Variants in WFIKKN1 observed in about 807,000 individuals in gnomAD.
The protein encoded by WFIKKN1 is WAP, follistatin/kazal, immunoglobulin, kunitz and netrin domain containing 1.
In WFIKKN1, 6 loss-of-function variants were observed where a neutral mutation model predicts 4.6. That is an observed-to-expected ratio of 1.31 (90% confidence interval 0.72 to 2.59). WFIKKN1 has a LOEUF of 2.59. Among genes scored for constraint, WFIKKN1 ranks in the 30% most tolerant of loss-of-function variants. The pLI is 0.00. For synonymous variants in WFIKKN1, 468 were observed against 367.4 expected, an observed-to-expected ratio of 1.27 and a Z score of -3.13; for missense variants, 964 against 818.0, an observed-to-expected ratio of 1.18 and a Z score of -2.18.
Position 632,760 on chromosome 16 carries a change from G to T in WFIKKN1, c.350G>T (p.Arg117Leu), listed in dbSNP as rs753516170. The T allele has an allele frequency of 2.5e-6, 4 of 1,608,280 alleles. No individual in the cohort carries two copies. In the South Asian group the frequency reaches 3.3e-5, roughly 13 times the overall value. The change falls in exon 2 of 2, where the codon CGC (arginine) becomes CTC (leucine). Residue 117 changes from arginine (R) to leucine (L), a missense_variant. Transcript: ENST00000319070. ...IWDGQPVCRC[R>L]DRCEKEPSFT... Reference sequence around the variant, plus strand: ...GACGGGCAGCCCGTGTGCCGCTGCCGCGACCGCTGTGAGAAGGAGCCCAGC... The same window carrying T: ...GACGGGCAGCCCGTGTGCCGCTGCCTCGACCGCTGTGAGAAGGAGCCCAGC...
Position 632,764 on chromosome 16 carries a change from C to G in WFIKKN1, c.354C>G (p.Asp118Glu). 1 of 1,608,044 alleles carries G rather than the reference C, an allele frequency of 6.2e-7. No individual in the cohort carries two copies. The highest frequency in any genetic ancestry group is 8.5e-7 in the Non-Finnish European group (1 of 1,177,338). Residue 118 changes from aspartate to glutamate, a missense_variant, in exon 2 of 2, where the codon GAC (aspartate) becomes GAG (glutamate). Physicochemically the swap from Asp to Glu is conservative, Grantham distance 45 (BLOSUM62 2). Transcript: ENST00000319070. ...WDGQPVCRCR[D>E]RCEKEPSFTC... ...GGCAGCCCGTGTGCCGCTGCCGCGA[C>G]CGCTGTGAGAAGGAGCCCAGCTTCA... is the stretch of plus-strand genomic sequence containing the variant.
Position 632,851 on chromosome 16 carries a change from G to T in WFIKKN1, c.441G>T (p.Leu147=), listed in dbSNP as rs1284354864. The change falls in exon 2 of 2, where the codon CTG becomes CTT. Residue 147 remains leucine (L), a synonymous_variant. Coordinates refer to ENST00000319070, the MANE Select transcript of WFIKKN1 (RefSeq NM_053284.3). ...GCTATATGGACGCCGAGGCCTGCCTGCGGGGCCTGCACCTCCACATCGTGC... is the reference window on the plus strand; with the variant it reads ...GCTATATGGACGCCGAGGCCTGCCTTCGGGGCCTGCACCTCCACATCGTGC... ...NRCYMDAEAC[L]RGLHLHIVPC... 3.8e-6 allele frequency: 6 copies of T among 1,573,740 alleles called. No individual in the cohort carries two copies. Among genetic ancestry groups the T allele is most frequent in the Non-Finnish European group, 5.2e-6 (6 of 1,157,446 alleles).
In WFIKKN1 at chr16:631,195, G is replaced by A. The variant is rs1292661960; in HGVS notation, c.-59G>A. ...GGATGCCTGCAGGAAGCTGGGCTCTGTGGAGCCCGAGGAGGGGCTGGTGGC... is the reference window on the plus strand; with the variant it reads ...GGATGCCTGCAGGAAGCTGGGCTCTATGGAGCCCGAGGAGGGGCTGGTGGC... On this transcript the variant is annotated 5_prime_UTR_variant, in exon 1 of 2. The change creates a new upstream start codon in the 5' untranslated region. Coordinates refer to ENST00000319070, the MANE Select transcript of WFIKKN1 (RefSeq NM_053284.3). 5.3e-6 allele frequency: 8 copies of A among 1,502,046 alleles called. No homozygotes were observed. The highest frequency in any genetic ancestry group is 7.1e-6 in the Non-Finnish European group (8 of 1,128,010). 93.0% of individuals were successfully genotyped at this position (1,502,046 alleles called of 1,614,324 possible).
rs750902203 is a variant in WFIKKN1 at position 633,712 on chromosome 16, C to T, written c.1302C>T (p.Asp434=). The part of the protein sequence containing the change: ...SKLALSLCRS[D]FAIVGRLTEV... The stretch of plus-strand genomic sequence containing the variant: ...TGGCGCTGAGCCTGTGCCGCAGCGA[C>T]TTCGCCATCGTGGGGCGGCTCACGG... The change falls in exon 2 of 2, where the codon GAC becomes GAT. Residue 434 remains aspartate, a synonymous_variant. Coordinates refer to ENST00000319070, the MANE Select transcript of WFIKKN1 (RefSeq NM_053284.3). The T allele has an allele frequency of 5.7e-6, 9 of 1,587,056 alleles. No individual in the cohort carries two copies. Among genetic ancestry groups the T allele is most frequent in the African/African-American group, 1.3e-5 (1 of 74,280 alleles).
Position 634,097 on chromosome 16 carries a change from A to T in WFIKKN1, c.*40A>T. The T allele has an allele frequency of 6.7e-7, 1 of 1,497,860 alleles. No homozygotes were observed. Among genetic ancestry groups the T allele is most frequent in the Non-Finnish European group, 8.8e-7 (1 of 1,132,168 alleles). 92.8% of individuals were successfully genotyped at this position (1,497,860 alleles called of 1,614,324 possible). ...TGCGCCACCCCGTCCTGGTGAATAA[A>T]CGCACTCCCTGTGCCTCAGACCTCC... On this transcript the variant is annotated 3_prime_UTR_variant, in exon 2 of 2. Transcript: ENST00000319070.
rs374840117 is a variant in WFIKKN1, at chr16:633,672, G to A, written c.1262G>A (p.Arg421His). 257 of 1,577,380 alleles carry A rather than the reference G, an allele frequency of 1.6e-4. No individual in the cohort carries two copies. The highest frequency in any genetic ancestry group is 3.7e-4 in the African/African-American group (27 of 73,526). The change falls in exon 2 of 2, where the codon CGC becomes CAC. Residue 421 changes from arginine to histidine, a missense_variant. Transcript: ENST00000319070. ...VPRTPPCRAC[R>H]LRSKLALSLC... Reference sequence around the variant, plus strand: ...CGCACACCGCCCTGCCGCGCCTGCCGCCTCCGGAGCAAGCTGGCGCTGAGC... The same window carrying A: ...CGCACACCGCCCTGCCGCGCCTGCCACCTCCGGAGCAAGCTGGCGCTGAGC...
In WFIKKN1 at chr16:633,656, C is replaced by CCCTGCCGCG. The variant is rs768803669; in HGVS notation, c.1255_1263dup (p.Ala419_Arg421dup). ...TGCCTGCCCCGTGCCGCGCACACCG[C>CCCTGCCGCG]CCTGCCGCGCCTGCCGCCTCCGGAG... On this transcript the variant is annotated inframe_insertion, in exon 2 of 2. Coordinates refer to ENST00000319070, the MANE Select transcript of WFIKKN1 (RefSeq NM_053284.3). The CCCTGCCGCG allele has an allele frequency of 3.2e-5, 50 of 1,572,250 alleles. No individual in the cohort carries two copies. Among genetic ancestry groups the CCCTGCCGCG allele is most frequent in the Admixed American group, 9.1e-5 (5 of 55,102 alleles).
rs141811451 is a variant in WFIKKN1 at position 632,680 on chromosome 16, G to A, written c.270G>A (p.Ala90=). 434 of 1,606,638 alleles carry A rather than the reference G, an allele frequency of 2.7e-4. No individual in the cohort carries two copies. Among genetic ancestry groups the A allele is most frequent in the Non-Finnish European group, 3.4e-4 (404 of 1,176,784 alleles). ...FPGSPAAPTT[A]ASCEGFVCPQ... The stretch of plus-strand genomic sequence containing the variant: ...GCAGCCCAGCTGCGCCGACGACAGC[G>A]GCCTCCTGCGAGGGCTTTGTGTGCC... Residue 90 remains alanine, a synonymous_variant, in exon 2 of 2, where the codon GCG becomes GCA. Transcript: ENST00000319070.
chr16:632,664 C>G lies in WFIKKN1; in HGVS notation c.254C>G (p.Ala85Gly), dbSNP rs2036965308. The G allele has an allele frequency of 6.2e-7, 1 of 1,603,614 alleles. No individual in the cohort carries two copies. The highest frequency in any genetic ancestry group is 8.5e-7 in the Non-Finnish European group (1 of 1,175,216). ...GCAGCACGCTTCCCCGGCAGCCCAG[C>G]TGCGCCGACGACAGCGGCCTCCTGC... Reference protein sequence around the residue: ...CVAARFPGSPAAPTTAASCEG... With the variant: ...CVAARFPGSPGAPTTAASCEG... The change falls in exon 2 of 2, where the codon GCT (alanine) becomes GGT (glycine). Residue 85 changes from alanine to glycine, a missense_variant. Ala to Gly is a moderately conservative substitution (Grantham distance 60, BLOSUM62 0). Transcript: ENST00000319070.
In WFIKKN1 at chr16:633,991, C is replaced by T. The variant is rs757542868; in HGVS notation, c.1581C>T (p.Arg527=). The change falls in exon 2 of 2, where the codon CGC becomes CGT. Residue 527 remains arginine (R), a synonymous_variant. Coordinates refer to ENST00000319070, the MANE Select transcript of WFIKKN1 (RefSeq NM_053284.3). ...GSYVRAASEK[R]VKKILELLEK... ...ACGTCCGCGCCGCCAGCGAGAAGCGCGTCAAGAAGATCTTGGAGCTGCTGG... is the reference window on the plus strand; with the variant it reads ...ACGTCCGCGCCGCCAGCGAGAAGCGTGTCAAGAAGATCTTGGAGCTGCTGG... The T allele has an allele frequency of 1.0e-5, 16 of 1,603,034 alleles. No individual in the cohort carries two copies. Among genetic ancestry groups the T allele is most frequent in the East Asian group, 4.5e-5 (2 of 44,276 alleles).
Position 633,076 on chromosome 16 carries a change from G to A in WFIKKN1, c.666G>A (p.Gln222=), listed in dbSNP as rs930684092. 1.2e-6 allele frequency: 2 copies of A among 1,612,094 alleles called. No homozygotes were observed. The highest frequency in any genetic ancestry group is 2.7e-5 in the African/African-American group (2 of 74,900). The part of the protein sequence containing the change: ...RPPPAVTWEK[Q]SHQRENLIMR... ...CGCCTGCTGTGACCTGGGAGAAGCA[G>A]AGTCACCAGCGAGAGAACCTGATCA... Residue 222 remains glutamine (Q), a synonymous_variant, in exon 2 of 2, where the codon CAG becomes CAA. Transcript: ENST00000319070.
chr16:632,044 TCTCCTCCCATCCACTCCTCCCATCCA>T (rs1248784487), intron 1 of WFIKKN1: 5 of 94,300 alleles, frequency 5.3e-5, no homozygotes, highest in South Asian at 9.6e-4. Context: ...CCTCCCACCC[TCTCCTCCCATCCACTCCTCCCATCCA>T]CTCCTCCCAT....
rs376127399 is a variant in WFIKKN1 at position 631,260 on chromosome 16, G to C, written c.7G>C (p.Ala3Pro). Residue 3 changes from alanine (A) to proline (P), a missense_variant, in exon 1 of 2, where the codon GCC becomes CCC. Transcript: ENST00000319070. MP[A>P]LRPLLPLLLL... is the part of the protein sequence containing the mutation. ...CCCTGGCTCGGCGGCCCTCATGCCCGCCCTACGTCCACTCCTGCCGCTCCT... is the reference window on the plus strand; with the variant it reads ...CCCTGGCTCGGCGGCCCTCATGCCCCCCCTACGTCCACTCCTGCCGCTCCT... 19 of 1,561,472 alleles carry C rather than the reference G, an allele frequency of 1.2e-5. 1 individual carries two copies. The African/African-American group carries it at 2.5e-4, about 20-fold the overall frequency.
rs763034270 is a variant in WFIKKN1 at position 633,697 on chromosome 16, C to A, written c.1287C>A (p.Ser429Arg). Reference protein sequence around the residue: ...ACRLRSKLALSLCRSDFAIVG... With the variant: ...ACRLRSKLALRLCRSDFAIVG... ...GCCTCCGGAGCAAGCTGGCGCTGAG[C>A]CTGTGCCGCAGCGACTTCGCCATCG... Residue 429 changes from serine (S) to arginine (R), a missense_variant, in exon 2 of 2, where the codon AGC (serine) becomes AGA (arginine). Coordinates refer to ENST00000319070, the MANE Select transcript of WFIKKN1 (RefSeq NM_053284.3). 6.3e-7 allele frequency: 1 copy of A among 1,584,436 alleles called. No homozygotes were observed. Among genetic ancestry groups the A allele is most frequent in the Non-Finnish European group, 8.6e-7 (1 of 1,165,860 alleles).
Position 631,155 on chromosome 16 carries a change from A to G in WFIKKN1, c.-99A>G, listed in dbSNP as rs2036943921. Reference sequence around the variant, plus strand: ...CGGGGTCCTGGTGGGGGCACCGACCACAGGCCCGGAGGGTGGATGCCTGCA... The same window carrying G: ...CGGGGTCCTGGTGGGGGCACCGACCGCAGGCCCGGAGGGTGGATGCCTGCA... On this transcript the variant is annotated 5_prime_UTR_variant, in exon 1 of 2. Transcript: ENST00000319070. 5 of 1,381,116 alleles carry G rather than the reference A, an allele frequency of 3.6e-6. No individual in the cohort carries two copies. The highest frequency in any genetic ancestry group is 1.5e-5 in the African/African-American group (1 of 66,674). 85.6% of individuals were successfully genotyped at this position (1,381,116 alleles called of 1,614,324 possible).
At chr16:631,576 C>T (rs989226138) in intron 1 of WFIKKN1, 152 bp downstream of exon 1, 2 of 936,504 alleles carry the variant, frequency 2.1e-6, no homozygotes, top group Non-Finnish European at 1.5e-6. Flanking sequence ...CCATCGTTGC[C>T]CTCATTTGTC....
chr16:631,567 C>T (rs1369807318), intron 1 of WFIKKN1, 143 bp downstream of exon 1: 12 of 999,690 alleles, frequency 1.2e-5, no homozygotes, highest in Non-Finnish European at 6.9e-6. Flanking sequence ...GAGACACCCC[C>T]ATCGTTGCCC....
intron 1 of WFIKKN1, chr16:631,885 C>T (rs1386749752): frequency 8.9e-6 from 1 of 112,770 alleles, no homozygotes; most frequent in Non-Finnish European, 1.8e-5. Flanking sequence ...CTTCTTCCAT[C>T]CTCTTCTCCC....
Position 633,070 on chromosome 16 carries a change from G to A in WFIKKN1, c.660G>A (p.Glu220=), listed in dbSNP as rs1435050629. 1 of 1,612,204 alleles carries A rather than the reference G, an allele frequency of 6.2e-7. No individual in the cohort carries two copies. Among genetic ancestry groups the A allele is most frequent in the Admixed American group, 1.7e-5 (1 of 60,002 alleles). The change falls in exon 2 of 2, where the codon GAG becomes GAA. Residue 220 remains glutamate (E), a synonymous_variant. Coordinates refer to ENST00000319070, the MANE Select transcript of WFIKKN1 (RefSeq NM_053284.3). ...SGRPPPAVTW[E]KQSHQRENLI... ...GCCCGCCGCCTGCTGTGACCTGGGA[G>A]AAGCAGAGTCACCAGCGAGAGAACC...
Sources: allele counts gnomAD v4.1 joint callset, GRCh38; gene constraint gnomAD v4.1.1; transcripts MANE v1.5; gene names NCBI Gene and HGNC (gene_info 2026-07-23, HGNC 2026-07-21).